RNF212: variants seen among roughly 807,000 people sequenced by gnomAD.
RNF212 encodes the protein ring finger protein 212.
In RNF212, 33 loss-of-function variants were observed where a neutral mutation model predicts 34.7. The ratio of observed to expected loss-of-function variants is 0.95; its 90% CI spans 0.72 to 1.27. RNF212 has a LOEUF of 1.27. Among genes scored for constraint, RNF212 ranks in the 50% most tolerant of loss-of-function variants. The pLI, the probability that RNF212 is intolerant of heterozygous loss-of-function variation, is 0.00. For synonymous variants in RNF212, 140 were observed against 136.1 expected (o/e 1.03, Z -0.20); for missense variants, 377 against 362.2 (o/e 1.04, Z -0.33).
intron 4 of RNF212, among the ~76,000 whole-genome samples, chr4:1,086,576 A>T (rs1721196438): frequency 2.6e-5 from 2 of 75,628 alleles, no homozygotes; most frequent in Admixed American, 1.6e-4. Context: ...GGGGTAGGGG[A>T]AAGAGGATGG....
chr4:1,065,321 C>A (rs1470738401), intron 3 of RNF212, among the ~76,000 whole-genome samples: 1 of 152,178 alleles, frequency 6.6e-6, no homozygotes, highest in Non-Finnish European at 1.5e-5. Flanking sequence ...AAAATGATTA[C>A]AATAAACATT....
intron 1 of RNF212, among the ~76,000 whole-genome samples, chr4:1,112,678 A>G (rs1432315072): frequency 9.5e-6 from 1 of 105,080 alleles, no homozygotes. Context: ...TCGTGGCCCG[A>G]CCCCTGTGTC....
rs79830754 is a variant in RNF212 at position 1,107,544 on chromosome 4, G to A, written c.171+799C>T. On this transcript the variant is annotated intron_variant, in intron 2 of 9. Transcript: ENST00000433731. ...CATCTCACTGCAGGCTCCGCCTCCC[G>A]GGTTCACGCATTCTCCTGCCTCAGC... Among the ~76,000 whole-genome samples the A allele has an allele frequency of 6.6e-3, 985 of 150,298 alleles. 13 individuals are homozygous for A. The highest frequency in any genetic ancestry group is 0.021 in the African/African-American group (865 of 40,750).
chr4:1,101,254 T>C, intron 2 of RNF212: 1 of 334,702 alleles, frequency 3.0e-6, no homozygotes, highest in Non-Finnish European at 5.9e-6. Flanking sequence ...CTTCAAGTTA[T>C]ATCCTTCTGG....
chr4:1,083,311 G>A (rs567680810), intron 5 of RNF212, among the ~76,000 whole-genome samples: 1 of 152,324 alleles, frequency 6.6e-6, no homozygotes, highest in Admixed American at 6.5e-5. Flanking sequence ...AAATGAGCAG[G>A]AATGTTCTCA....
chr4:1,096,981 C>A (rs1577774065), intron 2 of RNF212, 142 bp from the exon 3 acceptor site: 1 of 692,110 alleles, frequency 1.4e-6, no homozygotes, highest in Non-Finnish European at 2.6e-6. Flanking sequence ...CTCAGGGGCC[C>A]TGCCAGGGAC....
chr4:1,099,581 CTT>C, intron 2 of RNF212: 1 of 384,382 alleles, frequency 2.6e-6, no homozygotes, highest in South Asian at 1.9e-5. Flanking sequence ...TTTTGTTAGA[CTT>C]TTAAAAGTCA....
rs1242819436 is a variant in RNF212 at position 1,071,628 on chromosome 4, C to T, written c.*1246G>A. The T allele has an allele frequency of 6.6e-6, 1 of 152,214 alleles. No homozygotes were observed. The highest frequency in any genetic ancestry group is 1.9e-4 in the East Asian group (1 of 5,204). The allele number at this position is 152,214 out of a possible 1,614,324, so 9.4% of individuals were successfully genotyped here. ...TTAAAAAATGGGCCAAATACCTTAACAGACACTTCAGCAAAGAAGATATGC... is the reference window on the plus strand; with the variant it reads ...TTAAAAAATGGGCCAAATACCTTAATAGACACTTCAGCAAAGAAGATATGC... On this transcript the variant is annotated 3_prime_UTR_variant, in exon 10 of 10. Transcript: ENST00000433731.
intron 7 of RNF212, 79 bp from the exon 8 acceptor site, chr4:1,079,767 G>A (rs1720030354): frequency 6.4e-6 from 6 of 932,580 alleles, no homozygotes; most frequent in South Asian, 1.3e-5. Context: ...CACACATGAC[G>A]AGATGATGTG....
chr4:1,074,904 T>C (rs1719029530), intron 8 of RNF212, among the ~76,000 whole-genome samples: 1 of 60,274 alleles, frequency 1.7e-5, no homozygotes, highest in South Asian at 4.7e-4. Flanking sequence ...TATGCCATCA[T>C]TTCTGGATCC....
chr4:1,076,365 T>C (rs551820200), intron 8 of RNF212, among the ~76,000 whole-genome samples: 27 of 152,308 alleles, frequency 1.8e-4, no homozygotes, highest in Middle Eastern at 3.4e-3. Context: ...CTGGCTTTGC[T>C]TCTCCGAGTC....
intron 5 of RNF212, 200 bp from the exon 6 acceptor site, chr4:1,081,819 A>G (rs557240058): frequency 7.0e-6 from 4 of 570,656 alleles, no homozygotes; most frequent in East Asian, 5.9e-5. Context: ...GCTGAAGCCA[A>G]GTGAACTCAA....
rs187527868 is a variant in RNF212 at position 1,063,032 on chromosome 4, A to G, written n.148-4639T>C. On this transcript the variant is annotated intron_variant and non_coding_transcript_variant, in intron 3 of 4. Coordinates refer to the RNF212 transcript ENST00000503206. ...AAGATTTCTTCACTGAAAACTGCAAAATACCGTTGAAAGAAATCAAAGACC... is the reference window on the plus strand; with the variant it reads ...AAGATTTCTTCACTGAAAACTGCAAGATACCGTTGAAAGAAATCAAAGACC... 1.1e-3 allele frequency among the ~76,000 whole-genome samples: 172 copies of G among 152,346 alleles called. 1 individual carries two copies. The highest frequency in any genetic ancestry group is 1.3e-4 in the Non-Finnish European group (9 of 68,036).
chr4:1,086,069 C>T, intron 4 of RNF212, 115 bp from the exon 5 acceptor site: 6 of 770,486 alleles, frequency 7.8e-6, no homozygotes, highest in Middle Eastern at 2.3e-4. Context: ...TGGAGTTGCC[C>T]TCACGCTGCT....
chr4:1,060,300 G>C (rs1467827678), intron 3 of RNF212, among the ~76,000 whole-genome samples: 1 of 152,218 alleles, frequency 6.6e-6, no homozygotes, highest in African/African-American at 2.4e-5. Flanking sequence ...TCAGCCCGCT[G>C]TGTGTCCCAC....
intron 1 of RNF212, among the ~76,000 whole-genome samples, chr4:1,110,819 T>A (rs1725542263): frequency 6.6e-6 from 1 of 152,176 alleles, no homozygotes; most frequent in Non-Finnish European, 1.5e-5. Context: ...CTTTTTTGTG[T>A]GTCTTTGGAT....
chr4:1,073,877 C>T (rs1718840305), intron 8 of RNF212: 2 of 561,976 alleles, frequency 3.6e-6, no homozygotes, highest in South Asian at 4.8e-5. Flanking sequence ...ACCTGATTAC[C>T]TGTTTGATTC....
At chr4:1,057,783 G>A (rs1231489690) in intron 4 of RNF212, among the ~76,000 whole-genome samples, 1 of 152,192 alleles carries the variant, frequency 6.6e-6, no homozygotes, top group Non-Finnish European at 1.5e-5. Context: ...GCAAACTCCT[G>A]GCTGGGCATG....
chr4:1,077,105 G>A (rs1278692142), intron 8 of RNF212, among the ~76,000 whole-genome samples: 1 of 152,216 alleles, frequency 6.6e-6, no homozygotes, highest in African/African-American at 2.4e-5. Flanking sequence ...GTGCGTGCCT[G>A]TAGTCCCAGC....
Sources: gnomAD v4.1 joint callset for allele counts (sites outside exome capture counted in the v4.1 genomes callset) on GRCh38, gnomAD v4.1.1 for gene constraint, MANE v1.5 for transcripts, NCBI Gene and HGNC (gene_info 2026-07-23, HGNC 2026-07-21) for gene names.